Variants in ST6GALNAC3 observed in about 807,000 individuals in gnomAD.
ST6GALNAC3 encodes the protein alpha-N-acetylgalactosaminide alpha-2,6-sialyltransferase 3.
In ST6GALNAC3, 25 loss-of-function variants were observed where a neutral mutation model predicts 32.7. The observed-to-expected ratio is 0.76, with a 90% confidence interval of 0.56 to 1.07. The LOEUF (loss-of-function observed/expected upper bound fraction) is 1.07. ST6GALNAC3 is among the 50% of genes least tolerant of loss of function. The pLI, the probability that ST6GALNAC3 is intolerant of heterozygous loss-of-function variation, is 0.00. For missense variants in ST6GALNAC3, 355 were observed against 382.4 expected (o/e 0.93, Z 0.60); for synonymous variants, 129 against 133.1 (o/e 0.97, Z 0.21).
intron 3 of ST6GALNAC3, chr1:76,577,267 A>G (rs1646826092): frequency 2.0e-6 from 2 of 991,150 alleles, no homozygotes; most frequent in South Asian, 4.6e-5. Context: ...GAGCTTTCTG[A>G]TTTCTCCAAG....
chr1:76,391,522 ACCTT>A (rs71071997), intron 2 of ST6GALNAC3, among the ~76,000 whole-genome samples: 29,996 of 137,354 alleles, frequency 0.22, 3,939 homozygotes, highest in Non-Finnish European at 0.28. Flanking sequence ...ATTAGGAAAG[ACCTT>A]CCTTCCTTCC....
At chr1:76,400,679 G>T (rs1013555196) in intron 2 of ST6GALNAC3, among the ~76,000 whole-genome samples, 2 of 152,056 alleles carry the variant, frequency 1.3e-5, no homozygotes, top group African/African-American at 4.8e-5. Context: ...CTGAGGTTAG[G>T]AGTTTGAGAC....
At chr1:76,251,505 C>A (rs1001471088) in intron 1 of ST6GALNAC3, among the ~76,000 whole-genome samples, 2 of 152,110 alleles carry the variant, frequency 1.3e-5, no homozygotes, top group Non-Finnish European at 1.5e-5. Context: ...CTAAACCCTT[C>A]ACTGTTCTCT....
At chr1:76,409,017 A>G (rs1654031176) in intron 2 of ST6GALNAC3, among the ~76,000 whole-genome samples, 1 of 152,146 alleles carries the variant, frequency 6.6e-6, no homozygotes, top group Non-Finnish European at 1.5e-5. Context: ...GGCAAGAAGA[A>G]TATTATGTTC....
In ST6GALNAC3 at chr1:76,581,223, C is replaced by G. The variant is rs561077551; in HGVS notation, c.624-46229C>G. On this transcript the variant is annotated intron_variant, in intron 3 of 4. Coordinates refer to ENST00000328299, the MANE Select transcript of ST6GALNAC3 (RefSeq NM_152996.4). Reference sequence around the variant, plus strand: ...TGGCACTAAAATTCTCTATAACCACCAGATCCCATAAAGATCATTCTTTTT... The same window carrying G: ...TGGCACTAAAATTCTCTATAACCACGAGATCCCATAAAGATCATTCTTTTT... Among the ~76,000 whole-genome samples the G allele has an allele frequency of 1.8e-4, 27 of 152,146 alleles. No homozygotes were observed. In the South Asian group the frequency reaches 1.9e-3, roughly 11 times the overall value.
intron 1 of ST6GALNAC3, among the ~76,000 whole-genome samples, chr1:76,199,210 A>G (rs561546345): frequency 1.3e-5 from 2 of 152,344 alleles, no homozygotes; most frequent in African/African-American, 4.8e-5. Flanking sequence ...AAATTGCCAC[A>G]TTTACCTCTG....
At chr1:76,563,088 A>G (rs947842296) in intron 3 of ST6GALNAC3, among the ~76,000 whole-genome samples, 2 of 152,210 alleles carry the variant, frequency 1.3e-5, no homozygotes, top group Non-Finnish European at 2.9e-5. Context: ...ATATGTTTAC[A>G]TTACACAGAA....
At chr1:76,259,218 C>T (rs1658090674) in intron 1 of ST6GALNAC3, among the ~76,000 whole-genome samples, 3 of 151,950 alleles carry the variant, frequency 2.0e-5, no homozygotes, top group South Asian at 2.1e-4. Flanking sequence ...CATATGCTTA[C>T]AAAAAATCAA....
At chr1:76,565,685 T>C (rs1408631417) in intron 3 of ST6GALNAC3, among the ~76,000 whole-genome samples, 1 of 152,224 alleles carries the variant, frequency 6.6e-6, no homozygotes, top group Non-Finnish European at 1.5e-5. Flanking sequence ...ATTCGTTTCA[T>C]TTCTAACAGA....
chr1:76,112,514 G>T (rs1410851062), intron 1 of ST6GALNAC3, among the ~76,000 whole-genome samples: 1 of 151,558 alleles, frequency 6.6e-6, no homozygotes, highest in Non-Finnish European at 1.5e-5. Flanking sequence ...GGCCGGGCGG[G>T]GTATTGACCC....
At chr1:76,209,735 G>A (rs1655032331) in intron 1 of ST6GALNAC3, among the ~76,000 whole-genome samples, 1 of 152,188 alleles carries the variant, frequency 6.6e-6, no homozygotes, top group Non-Finnish European at 1.5e-5. Flanking sequence ...AAATGCTCAG[G>A]ATGACTTATG....
intron 3 of ST6GALNAC3, among the ~76,000 whole-genome samples, chr1:76,429,577 T>C (rs546017103): frequency 6.6e-6 from 1 of 152,246 alleles, no homozygotes; most frequent in East Asian, 1.9e-4. Context: ...ATACATCATA[T>C]TGAAAACAGT....
chr1:76,270,457 A>T (rs1427706122), intron 1 of ST6GALNAC3, among the ~76,000 whole-genome samples: 1 of 141,578 alleles, frequency 7.1e-6, no homozygotes, highest in African/African-American at 2.6e-5. Flanking sequence ...CAGTGAGCCG[A>T]GATCGCACCA....
chr1:76,564,805 G>A (rs537413918), intron 3 of ST6GALNAC3, among the ~76,000 whole-genome samples: 1 of 152,046 alleles, frequency 6.6e-6, no homozygotes, highest in Admixed American at 6.5e-5. Context: ...GGATGGTCTC[G>A]ATCTCCTGAC....
chr1:76,292,792 C>T (rs1660172196), intron 1 of ST6GALNAC3, among the ~76,000 whole-genome samples: 1 of 152,166 alleles, frequency 6.6e-6, no homozygotes. Flanking sequence ...TGTAGCCCCA[C>T]ATGTCAGTTA....
intron 2 of ST6GALNAC3, among the ~76,000 whole-genome samples, chr1:76,393,789 G>T (rs1255381264): frequency 1.3e-5 from 2 of 152,076 alleles, no homozygotes; most frequent in African/African-American, 2.4e-5. Flanking sequence ...ACCTCTACTG[G>T]CTCCCAAGAA....
At chr1:76,394,091 T>C (rs546999898) in intron 2 of ST6GALNAC3, among the ~76,000 whole-genome samples, 61 of 152,314 alleles carry the variant, frequency 4.0e-4, no homozygotes, top group Non-Finnish European at 6.8e-4. Flanking sequence ...CTCAAGTTAC[T>C]ATGGGATAGA....
chr1:76,485,231 C>T (rs562419566), intron 3 of ST6GALNAC3, among the ~76,000 whole-genome samples: 2 of 152,264 alleles, frequency 1.3e-5, no homozygotes, highest in African/African-American at 2.4e-5. Flanking sequence ...ATGATGCTGG[C>T]CTCATAAAAT....
intron 3 of ST6GALNAC3, among the ~76,000 whole-genome samples, chr1:76,514,907 T>C (rs1270928144): frequency 6.6e-6 from 1 of 152,212 alleles, no homozygotes; most frequent in Non-Finnish European, 1.5e-5. Flanking sequence ...TGCTACTATA[T>C]TCTGTTTGCT....
Sources: gnomAD v4.1 joint callset for allele counts (sites outside exome capture counted in the v4.1 genomes callset) on GRCh38, gnomAD v4.1.1 for gene constraint, MANE v1.5 for transcripts, NCBI Gene and HGNC (gene_info 2026-07-23, HGNC 2026-07-21) for gene names.